SAMD5: variants seen among roughly 807,000 people sequenced by gnomAD.
The protein encoded by SAMD5 is sterile alpha motif domain containing 5.
Under a neutral mutation model 11.3 loss-of-function variants are expected in SAMD5, and 13 were observed. That is an observed-to-expected ratio of 1.15 (90% confidence interval 0.75 to 1.83). SAMD5 has a LOEUF of 1.83. Ranked by LOEUF, SAMD5 falls within the 40% of genes most tolerant of loss-of-function variation. The pLI is 0.00. For missense variants in SAMD5, 255 were observed against 239.1 expected, an observed-to-expected ratio of 1.07 and a Z score of -0.44; for synonymous variants, 129 against 111.3, an observed-to-expected ratio of 1.16 and a Z score of -1.00.
the SAMD5 span, among the ~76,000 whole-genome samples, chr6:147,944,594 A>G: frequency 6.6e-6 from 1 of 152,324 alleles, no homozygotes; most frequent in East Asian, 1.9e-4. Context: ...AGAGGGCCCA[A>G]ATGAATACAA....
chr6:147,569,551 T>G lies in SAMD5; in HGVS notation c.*5095T>G, dbSNP rs1789103617. ...TGTATAATACCCTTAATTAGATGAATTATCCCTTATCATTCCAAAAATGAA... is the reference window on the plus strand; with the variant it reads ...TGTATAATACCCTTAATTAGATGAAGTATCCCTTATCATTCCAAAAATGAA... On this transcript the variant is annotated 3_prime_UTR_variant, in exon 2 of 2. Coordinates refer to ENST00000367474, the MANE Select transcript of SAMD5 (RefSeq NM_001030060.3). 1.1e-6 allele frequency: 1 copy of G among 924,866 alleles called. No homozygotes were observed. The highest frequency in any genetic ancestry group is 1.8e-5 in the African/African-American group (1 of 56,092). 57.3% of individuals were successfully genotyped at this position (924,866 alleles called of 1,614,324 possible). A position where few individuals can be genotyped will look rare whatever the true frequency, so the allele number is the denominator to read the frequency against.
In SAMD5 at chr6:147,711,894, C is replaced by T. The variant is rs903747713; in HGVS notation, c.163-25423C>T. Among the ~76,000 whole-genome samples the T allele has an allele frequency of 1.3e-5, 2 of 152,076 alleles. No individual in the cohort carries two copies. The highest frequency in any genetic ancestry group is 4.8e-5 in the African/African-American group (2 of 41,386). On this transcript the variant is annotated intron_variant, in intron 1 of 1. Transcript: ENST00000566741. The surrounding 1 kb of genome is among the most constrained non-coding windows in gnomAD (Gnocchi z 4.1). ...TCGAAAGCCCTATTTACATAAACAC[C>T]AGGGGCCCACTCAGAGGTCTGCACC... is the stretch of plus-strand genomic sequence containing the variant.
the SAMD5 span, among the ~76,000 whole-genome samples, chr6:147,791,810 A>T: frequency 6.6e-6 from 1 of 152,204 alleles, no homozygotes; most frequent in Non-Finnish European, 1.5e-5. Flanking sequence ...TCTCAAATGC[A>T]TATTACTAGC....
At chr6:147,795,309 T>C in the SAMD5 span, among the ~76,000 whole-genome samples, 1 of 145,462 alleles carries the variant, frequency 6.9e-6, no homozygotes, top group Non-Finnish European at 1.5e-5. Context: ...AGTGAGAATA[T>C]GCGGTGTTTG....
At chr6:147,755,504 C>A in the SAMD5 span, among the ~76,000 whole-genome samples, 1 of 152,038 alleles carries the variant, frequency 6.6e-6, no homozygotes, top group Non-Finnish European at 1.5e-5. Flanking sequence ...AAATGTAAAA[C>A]TGCTTGTCTA....
the SAMD5 span, among the ~76,000 whole-genome samples, chr6:147,749,516 G>A: frequency 2.0e-5 from 3 of 152,142 alleles, no homozygotes; most frequent in South Asian, 2.1e-4. Context: ...AATGTGTGGA[G>A]GACTCTTGTT....
At chr6:147,623,302 T>C (rs951138419) in intron 1 of SAMD5, among the ~76,000 whole-genome samples, 7 of 152,224 alleles carry the variant, frequency 4.6e-5, no homozygotes, top group Non-Finnish European at 1.0e-4. Context: ...TCCAGTAATT[T>C]CTCCCACATA....
the SAMD5 span, among the ~76,000 whole-genome samples, chr6:147,902,916 A>G: frequency 1.3e-5 from 2 of 152,228 alleles, no homozygotes; most frequent in South Asian, 2.1e-4. Context: ...TGGATTTCCT[A>G]TAAAACCTAG....
chr6:147,520,406 C>T (rs1162852732), intron 1 of SAMD5, among the ~76,000 whole-genome samples: 2 of 152,134 alleles, frequency 1.3e-5, no homozygotes, highest in Non-Finnish European at 2.9e-5. Flanking sequence ...AGCCGCCATG[C>T]CCGGTTGAGA....
At chr6:147,623,351 T>TATTAATAACATTTGACA (rs1446040736) in intron 1 of SAMD5, among the ~76,000 whole-genome samples, 2 of 152,188 alleles carry the variant, frequency 1.3e-5, no homozygotes, top group Non-Finnish European at 2.9e-5. Flanking sequence ...ATATGACAAA[T>TATTAATAACATTTGACA]AATGTTAATA....
intron 1 of SAMD5, among the ~76,000 whole-genome samples, chr6:147,589,803 T>C (rs1365072302): frequency 1.3e-5 from 2 of 152,184 alleles, no homozygotes; most frequent in East Asian, 3.8e-4. Context: ...ATAGTATAAA[T>C]GTGATGCCTA....
At chr6:147,922,692 G>C in the SAMD5 span, among the ~76,000 whole-genome samples, 138 of 152,156 alleles carry the variant, frequency 9.1e-4, no homozygotes, top group Non-Finnish European at 1.4e-3. Context: ...ACTCGTGCTG[G>C]GATCTATTTT....
At chr6:147,803,131 CTGTGTGTGTGTGTGTGTGTG>C in the SAMD5 span, among the ~76,000 whole-genome samples, 2,105 of 136,810 alleles carry the variant, frequency 0.015, 21 homozygotes, top group Middle Eastern at 0.067. Flanking sequence ...GCCTTCCTTT[CTGTGTGTGTGTGTGTGTGTG>C]TGTGTGTGTG....
chr6:147,600,317 C>T (rs1268008213), intron 1 of SAMD5, among the ~76,000 whole-genome samples: 1 of 152,182 alleles, frequency 6.6e-6, no homozygotes, highest in Non-Finnish European at 1.5e-5. Context: ...AGGGAGTTCA[C>T]CTGGGACTCA....
intron 1 of SAMD5, among the ~76,000 whole-genome samples, chr6:147,669,531 G>A (rs183193070): frequency 3.2e-4 from 47 of 148,172 alleles, no homozygotes; most frequent in African/African-American, 1.1e-3. Context: ...GGGTTAAAGC[G>A]ACACTCCTGC....
At chr6:147,877,888 TAGATAGCTA>T in the SAMD5 span, among the ~76,000 whole-genome samples, 1 of 43,572 alleles carries the variant, frequency 2.3e-5, no homozygotes, top group Non-Finnish European at 4.5e-5. Flanking sequence ...ACACGATAGA[TAGATAGCTA>T]GATAGATAGA....
intron 1 of SAMD5, among the ~76,000 whole-genome samples, chr6:147,562,829 A>G (rs1200497857): frequency 6.7e-6 from 1 of 150,190 alleles, no homozygotes; most frequent in Non-Finnish European, 1.5e-5. Flanking sequence ...CTCAAAAAAA[A>G]ATAAATAAAT....
At chr6:147,830,247 CTTTCTTTTTTTTTT>C in the SAMD5 span, among the ~76,000 whole-genome samples, 3 of 116,238 alleles carry the variant, frequency 2.6e-5, no homozygotes, top group African/African-American at 1.0e-4. Flanking sequence ...TTCTTTCTTT[CTTTCTTTTTTTTTT>C]TTTTTTTTTT....
Position 147,541,390 on chromosome 6 carries a change from C to T in SAMD5, c.460-23004C>T, listed in dbSNP as rs189746923. On this transcript the variant is annotated intron_variant, in intron 1 of 1. Transcript: ENST00000367474. Reference sequence around the variant, plus strand: ...TTCCATTCCAGCAAAACACACATAACAAAACAAACATTAGTCACCTTGTTC... The same window carrying T: ...TTCCATTCCAGCAAAACACACATAATAAAACAAACATTAGTCACCTTGTTC... Among the ~76,000 whole-genome samples the T allele has an allele frequency of 2.3e-3, 347 of 152,266 alleles. 2 individuals carry two copies. Among genetic ancestry groups the T allele is most frequent in the African/African-American group, 7.9e-3 (330 of 41,554 alleles).
Sources: gnomAD v4.1 joint callset for allele counts (sites outside exome capture counted in the v4.1 genomes callset) on GRCh38, gnomAD v4.1.1 for gene constraint, Gnocchi (gnomAD v3.1) non-coding constraint, MANE v1.5 for transcripts, NCBI Gene and HGNC (gene_info 2026-07-23, HGNC 2026-07-21) for gene names.